PDE1A: variants seen among roughly 807,000 people sequenced by gnomAD.
The protein encoded by PDE1A is dual specificity calcium/calmodulin-dependent 3',5'-cyclic nucleotide phosphodiesterase 1A.
A neutral mutation model predicts 61.7 loss-of-function variants in PDE1A; 35 were observed. That is an observed-to-expected ratio of 0.57 (90% CI 0.43 to 0.75). The LOEUF (loss-of-function observed/expected upper bound fraction) is 0.75, where lower values mean the gene tolerates loss of function less well. PDE1A is among the 30% of genes least tolerant of loss of function. The pLI, the probability that PDE1A is intolerant of heterozygous loss-of-function variation, is 0.00. For missense variants in PDE1A, 597 were observed against 630.6 expected, an observed-to-expected ratio of 0.95 and a Z score of 0.57; for synonymous variants, 232 against 213.2, an observed-to-expected ratio of 1.09 and a Z score of -0.77.
At chr2:182,707,085 G>A in the PDE1A span, among the ~76,000 whole-genome samples, 9 of 152,132 alleles carry the variant, frequency 5.9e-5, no homozygotes, top group African/African-American at 1.9e-4. Context: ...AATTACAAGG[G>A]AAATTAGAAA....
At chr2:182,607,615 A>T in the PDE1A span, among the ~76,000 whole-genome samples, 3 of 152,224 alleles carry the variant, frequency 2.0e-5, no homozygotes, top group Non-Finnish European at 1.5e-5. Context: ...GGTTGAAAAA[A>T]GTCTATGTAC....
chr2:182,584,768 G>C, the PDE1A span, among the ~76,000 whole-genome samples: 1 of 152,174 alleles, frequency 6.6e-6, no homozygotes, highest in Non-Finnish European at 1.5e-5. Flanking sequence ...AGAAAGCCTG[G>C]CTACACCAGG....
chr2:182,554,499 G>A, the PDE1A span, among the ~76,000 whole-genome samples: 1 of 152,148 alleles, frequency 6.6e-6, no homozygotes, highest in Non-Finnish European at 1.5e-5. Context: ...CTCCAGGAAT[G>A]AAGTATCTAG....
chr2:182,147,197 T>A (rs1454101481), intron 13 of PDE1A, 45 bp from the exon 14 acceptor site: 2 of 1,195,982 alleles, frequency 1.7e-6, no homozygotes, highest in Admixed American at 2.0e-5. Context: ...AAAATAAGGC[T>A]TTGGAAAAAA....
the PDE1A span, among the ~76,000 whole-genome samples, chr2:182,540,646 C>T: frequency 6.6e-6 from 1 of 152,158 alleles, no homozygotes; most frequent in South Asian, 2.1e-4. Context: ...TTAAGTAAAG[C>T]CATATTTTTT....
intron 1 of PDE1A, among the ~76,000 whole-genome samples, chr2:182,313,049 T>A (rs1164389891): frequency 6.6e-6 from 1 of 152,222 alleles, no homozygotes; most frequent in Non-Finnish European, 1.5e-5. Flanking sequence ...TTTCAGAATA[T>A]CTGTTGCTAT....
chr2:182,365,408 A>G (rs1699780471), intron 1 of PDE1A, among the ~76,000 whole-genome samples: 1 of 152,054 alleles, frequency 6.6e-6, no homozygotes, highest in Non-Finnish European at 1.5e-5. Context: ...CTCTGCTGGC[A>G]TAATTTTGAA....
chr2:182,372,943 G>A (rs893650583), intron 1 of PDE1A, among the ~76,000 whole-genome samples: 2 of 152,208 alleles, frequency 1.3e-5, no homozygotes, highest in African/African-American at 2.4e-5. Flanking sequence ...AAGGAACAAT[G>A]TGCAGGCCAG....
the PDE1A span, among the ~76,000 whole-genome samples, chr2:182,715,092 T>G: frequency 6.6e-6 from 1 of 152,160 alleles, no homozygotes; most frequent in South Asian, 2.1e-4. Flanking sequence ...TCTGTTTGTT[T>G]TTCAATTTAC....
chr2:182,623,981 C>T, the PDE1A span, among the ~76,000 whole-genome samples: 2 of 151,826 alleles, frequency 1.3e-5, no homozygotes, highest in Non-Finnish European at 2.9e-5. Context: ...AAAAATTAGC[C>T]GGGCGTAGTG....
chr2:182,646,062 T>TA, the PDE1A span, among the ~76,000 whole-genome samples: 5 of 151,482 alleles, frequency 3.3e-5, no homozygotes, highest in East Asian at 3.9e-4. Flanking sequence ...AAGGGTATAG[T>TA]AAAAAAAAGA....
At chr2:182,605,324 C>A in the PDE1A span, among the ~76,000 whole-genome samples, 8 of 152,134 alleles carry the variant, frequency 5.3e-5, no homozygotes, top group East Asian at 1.5e-3. Context: ...TAGTTGTGAC[C>A]CTGTGATCAG....
the PDE1A span, among the ~76,000 whole-genome samples, chr2:182,649,917 A>T: frequency 1.1e-4 from 16 of 151,648 alleles, no homozygotes; most frequent in East Asian, 3.9e-4. Flanking sequence ...CTACAAAAAA[A>T]TTTTTTTTTA....
intron 2 of PDE1A, among the ~76,000 whole-genome samples, chr2:182,243,299 A>G (rs1690698493): frequency 6.6e-6 from 1 of 152,180 alleles, no homozygotes; most frequent in Non-Finnish European, 1.5e-5. Flanking sequence ...ATTATGATAT[A>G]AGGTTAATTA....
At chr2:182,565,255 T>C in the PDE1A span, among the ~76,000 whole-genome samples, 1 of 152,182 alleles carries the variant, frequency 6.6e-6, no homozygotes, top group African/African-American at 2.4e-5. Flanking sequence ...TTCTGTTTGT[T>C]AGTTTTCCTT....
chr2:182,158,844 C>G (rs578115814), intron 13 of PDE1A, among the ~76,000 whole-genome samples: 1 of 152,154 alleles, frequency 6.6e-6, no homozygotes, highest in Non-Finnish European at 1.5e-5. Context: ...CTTTTCCTTT[C>G]CTTTTCACTT....
At chr2:182,512,642 G>A (rs999950482) in intron 2 of PDE1A, among the ~76,000 whole-genome samples, 1 of 151,992 alleles carries the variant, frequency 6.6e-6, no homozygotes, top group South Asian at 2.1e-4. Flanking sequence ...AATCTGGATG[G>A]CATGGAAAAT....
chr2:182,389,408 G>T (rs1350820837), intron 1 of PDE1A, among the ~76,000 whole-genome samples: 2 of 151,890 alleles, frequency 1.3e-5, no homozygotes, highest in Admixed American at 1.3e-4. Flanking sequence ...ACCATAGCAA[G>T]AATACAAATA....
intron 1 of PDE1A, among the ~76,000 whole-genome samples, chr2:182,299,588 A>G (rs1377820829): frequency 6.6e-6 from 1 of 151,448 alleles, no homozygotes; most frequent in Non-Finnish European, 1.5e-5. Flanking sequence ...AGAACATGGC[A>G]CATGGCAGTC....
Sources: allele counts gnomAD v4.1 joint callset (sites outside exome capture counted in the v4.1 genomes callset), GRCh38; gene constraint gnomAD v4.1.1; transcripts MANE v1.5; gene names NCBI Gene and HGNC (gene_info 2026-07-23, HGNC 2026-07-21).